The following MDC1 variants were observed in gnomAD, a reference collection of about 807,000 sequenced individuals.
MDC1 encodes the protein mediator of DNA damage checkpoint 1.
In MDC1, 81 loss-of-function variants were observed where a neutral mutation model predicts 142.5. The ratio of observed to expected loss-of-function variants is 0.57; its 90% confidence interval spans 0.47 to 0.68. The LOEUF (loss-of-function observed/expected upper bound fraction) is 0.68. MDC1 is among the 30% of genes least tolerant of loss of function. MDC1 has a pLI of 0.00. For missense variants in MDC1, 2,119 were observed against 2,547.9 expected (o/e 0.83, Z 3.62); for synonymous variants, 797 against 968.4 (o/e 0.82, Z 3.29).
In MDC1 at chr6:30,705,888, C is replaced by G. The variant is rs1288002054; in HGVS notation, c.3295G>C (p.Glu1099Gln). The G allele has an allele frequency of 1.2e-6, 2 of 1,612,178 alleles. No homozygotes were observed. Among genetic ancestry groups the G allele is most frequent in the African/African-American group, 2.7e-5 (2 of 74,736 alleles). ...APEAPLSSEL[E>Q]PFHPKPKIRT... is the part of the protein sequence containing the mutation. ...ATTTTAGGCTTTGGGTGGAAAGGCT[C>G]CAGCTCTGAGGACAAGGGAGCCTCT... is the stretch of plus-strand genomic sequence containing the variant. Residue 1099 changes from glutamate (E) to glutamine (Q), a missense_variant, in exon 10 of 15, where the codon GAG becomes CAG. Glu to Gln is a conservative substitution (Grantham distance 29). Coordinates refer to ENST00000376406, the MANE Select transcript of MDC1 (RefSeq NM_014641.3).
At position 30,713,299 on chromosome 6, in the gene MDC1, T is replaced by C. The variant is rs774373309; in HGVS notation, c.643A>G (p.Asn215Asp). ...TCCACATCTGTGTCACTGTTCAAAT[T>C]GAAGGCAAAAGGCGGCCCAAGGCCG... Reference protein sequence around the residue: ...LGGLGPPFAFNLNSDTDVEEG... With the variant: ...LGGLGPPFAFDLNSDTDVEEG... Residue 215 changes from asparagine to aspartate, a missense_variant, in exon 5 of 15, where the codon AAT (asparagine) becomes GAT (aspartate). Physicochemically the swap from Asn to Asp is conservative, Grantham distance 23. Transcript: ENST00000376406. This position sits in a 1 kb window ranked among gnomAD's most constrained non-coding sequence, Gnocchi z 4.9. 16 of 1,610,932 alleles carry C rather than the reference T, an allele frequency of 9.9e-6. No homozygotes were observed. In the South Asian group the frequency reaches 1.8e-4, roughly 18 times the overall value.
rs763132952 is a variant in MDC1 at position 30,715,222 on chromosome 6, CACAA to C, written c.-3-48_-3-45del. 9 of 1,609,236 alleles carry C rather than the reference CACAA, an allele frequency of 5.6e-6. No homozygotes were observed. In the Admixed American group the frequency reaches 1.0e-4, roughly 18 times the overall value. ...ATCAATTATCCTCATTATTGGTTCA[CACAA>C]ACAGCATCAGAGTTATCAGACTGAA... On this transcript the variant is annotated intron_variant, in intron 1 of 14. Transcript: ENST00000376406. The surrounding 1 kb of genome is among the most constrained non-coding windows in gnomAD (Gnocchi z 4.1).
At position 30,700,634 on chromosome 6, in the gene MDC1, T is replaced by C; in HGVS notation, c.6103-2A>G. 6 of 1,612,746 alleles carry C rather than the reference T, an allele frequency of 3.7e-6. No individual in the cohort carries two copies. Among genetic ancestry groups the C allele is most frequent in the Non-Finnish European group, 5.1e-6 (6 of 1,179,804 alleles). ...GCATGTGATCACAACTCTCTGAGGC[T>C]GGGGAAGACAGAGCAAAGGCAAAAT... is the stretch of plus-strand genomic sequence containing the variant. On this transcript the variant is annotated splice_acceptor_variant, in intron 14 of 14. Transcript: ENST00000376406. LOFTEE classifies it high-confidence loss of function.
At chr6:30,700,707 C>T in intron 14 of MDC1, 75 bp from the exon 15 acceptor site, 1 of 1,446,158 alleles carries the variant, frequency 6.9e-7, no homozygotes, top group Non-Finnish European at 9.6e-7. Context: ...ACTAACCAGT[C>T]TTACCATCAC....
In MDC1 at chr6:30,705,550, A is replaced by G; in HGVS notation, c.3633T>C (p.Pro1211=). 1 of 1,607,020 alleles carries G rather than the reference A, an allele frequency of 6.2e-7. No individual in the cohort carries two copies. Among genetic ancestry groups the G allele is most frequent in the Non-Finnish European group, 8.5e-7 (1 of 1,176,816 alleles). Reference sequence around the variant, plus strand: ...TGACAGGTCGGTCGGTGGAGGTGGAAGGCTGGAGCTCAAGGGCTGTGGGCA... The same window carrying G: ...TGACAGGTCGGTCGGTGGAGGTGGAGGGCTGGAGCTCAAGGGCTGTGGGCA... ...TVVPTALELQ[P]STSTDRPVTS... Residue 1211 remains proline, a synonymous_variant, in exon 10 of 15, where the codon CCT becomes CCC. Transcript: ENST00000376406.
rs536172925 is a variant in MDC1 at position 30,702,350 on chromosome 6, C to G, written c.6102+203G>C. Among the ~76,000 whole-genome samples the G allele has an allele frequency of 2.0e-5, 3 of 150,932 alleles. No homozygotes were observed. The East Asian group carries it at 5.9e-4, about 29-fold the overall frequency. The stretch of plus-strand genomic sequence containing the variant: ...AATCTAAATTAAGCTGCTGCTGAAT[C>G]TCGGTGATTGTTATATGGGGGTATC... On this transcript the variant is annotated intron_variant, in intron 14 of 14. Transcript: ENST00000376406.
In MDC1 at chr6:30,706,621, A is replaced by T. The variant is rs9295906; in HGVS notation, c.3085-523T>A. On this transcript the variant is annotated intron_variant, in intron 9 of 14. Transcript: ENST00000376406. Reference sequence around the variant, plus strand: ...TGGGGGACAGAGCAAGACTCTGTCTAAAAAAAAAAAAAAAAAAAAAAAAAA... The same window carrying T: ...TGGGGGACAGAGCAAGACTCTGTCTTAAAAAAAAAAAAAAAAAAAAAAAAA... Among the ~76,000 whole-genome samples the T allele has an allele frequency of 2.1e-3, 12 of 5,782 alleles. No individual in the cohort carries two copies. The East Asian group carries it at 0.081, about 39-fold the overall frequency. The allele number at this position is 5,782 out of a possible 152,430, so 3.8% of individuals were successfully genotyped here.
chr6:30,706,110 C>G lies in MDC1; in HGVS notation c.3085-12G>C. 6.5e-7 allele frequency: 1 copy of G among 1,546,368 alleles called. No homozygotes were observed. Among genetic ancestry groups the G allele is most frequent in the African/African-American group, 1.4e-5 (1 of 72,634 alleles). ...GATTCCTGATCGCCCTAGGGAGAAA[C>G]AGAAGCAAGTGAGGGGGAGGAGGTG... On this transcript the variant is annotated splice_polypyrimidine_tract_variant and intron_variant, in intron 9 of 14. Coordinates refer to ENST00000376406, the MANE Select transcript of MDC1 (RefSeq NM_014641.3).
intron 5 of MDC1, 69 bp downstream of exon 5, chr6:30,711,805 C>G: frequency 1.3e-6 from 2 of 1,568,110 alleles, no homozygotes; most frequent in Non-Finnish European, 8.7e-7. Context: ...CTCTACCTTT[C>G]TCTCCCCAAC....
In MDC1 at chr6:30,700,377, T is replaced by C; in HGVS notation, c.*88A>G. ...CATGTTCCAGGACAAGTTGTATCAA[T>C]ATACCCCAATCCTTTCTAACGCCCT... On this transcript the variant is annotated 3_prime_UTR_variant, in exon 15 of 15. Transcript: ENST00000376406. 1 of 1,378,648 alleles carries C rather than the reference T, an allele frequency of 7.3e-7. No homozygotes were observed. The highest frequency in any genetic ancestry group is 1.5e-5 in the South Asian group (1 of 66,274). 85.4% of individuals were successfully genotyped at this position (1,378,648 alleles called of 1,614,324 possible).
chr6:30,711,153 T>C (rs991474229), intron 7 of MDC1, among the ~76,000 whole-genome samples: 9 of 152,156 alleles, frequency 5.9e-5, no homozygotes, highest in Non-Finnish European at 1.2e-4. Context: ...GGCAGGCGGA[T>C]CACTTGAGGT....
Position 30,703,329 on chromosome 6 carries a change from A to G in MDC1, c.5683-43T>C, listed in dbSNP as rs757497325. On this transcript the variant is annotated intron_variant, in intron 11 of 14. Coordinates refer to ENST00000376406, the MANE Select transcript of MDC1 (RefSeq NM_014641.3). This position sits in a 1 kb window ranked among gnomAD's most constrained non-coding sequence, Gnocchi z 4.4. ...TGAGGTGGTTACGGCAACCCATGCCATCAGCACCCATCTCTACAATCCTCT... is the reference window on the plus strand; with the variant it reads ...TGAGGTGGTTACGGCAACCCATGCCGTCAGCACCCATCTCTACAATCCTCT... 1.2e-6 allele frequency: 2 copies of G among 1,610,174 alleles called. No homozygotes were observed. Among genetic ancestry groups the G allele is most frequent in the Admixed American group, 3.3e-5 (2 of 59,940 alleles).
Position 30,702,600 on chromosome 6 carries a change from T to C in MDC1, c.6055A>G (p.Ser2019Gly). 1 of 1,611,024 alleles carries C rather than the reference T, an allele frequency of 6.2e-7. No homozygotes were observed. Among genetic ancestry groups the C allele is most frequent in the Non-Finnish European group, 8.5e-7 (1 of 1,179,022 alleles). The change falls in exon 14 of 15, where the codon AGC becomes GGC. Residue 2019 changes from serine to glycine, a missense_variant. Transcript: ENST00000376406. Reference protein sequence around the residue: ...PPPPQMGEIISCCGGTYLPSM... With the variant: ...PPPPQMGEIIGCCGGTYLPSM... Reference sequence around the variant, plus strand: ...GGTAGGTATGTGCCTCCACAGCAGCTAATAATCTCTCCCATCTGAGGTGGT... The same window carrying C: ...GGTAGGTATGTGCCTCCACAGCAGCCAATAATCTCTCCCATCTGAGGTGGT...
In MDC1 at chr6:30,704,898, T is replaced by G. The variant is rs1305548546; in HGVS notation, c.4285A>C (p.Thr1429Pro). 3.1e-6 allele frequency: 5 copies of G among 1,604,182 alleles called. No individual in the cohort carries two copies. Among genetic ancestry groups the G allele is most frequent in the Non-Finnish European group, 4.3e-6 (5 of 1,175,600 alleles). The stretch of plus-strand genomic sequence containing the variant: ...GTCCTGCCCCTGGTGGCCTGAGATG[T>G]GGGCTCAGGAGTGACAGGTTGGTCT... ...STDQPVTPEP[T>P]SQATRGRTNR... The change falls in exon 10 of 15, where the codon ACA becomes CCA. Residue 1429 changes from threonine (T) to proline (P), a missense_variant. Thr to Pro is a conservative substitution (Grantham distance 38). Transcript: ENST00000376406.
chr6:30,713,896 G>A lies in MDC1; in HGVS notation c.424C>T (p.Arg142Trp), dbSNP rs1379883443. The change falls in exon 3 of 15, where the codon CGG (arginine) becomes TGG (tryptophan). Residue 142 changes from arginine (R) to tryptophan (W), a missense_variant. Coordinates refer to ENST00000376406, the MANE Select transcript of MDC1 (RefSeq NM_014641.3). The surrounding 1 kb of genome is among the most constrained non-coding windows in gnomAD (Gnocchi z 4.9). ...RLDVSLPFVS[R>W]GPLTVEETPR... ...GTCTCTTCTACTGTCAGAGGGCCCCGGGAGACAAAGGGCAGAGAGACATCC... is the reference window on the plus strand; with the variant it reads ...GTCTCTTCTACTGTCAGAGGGCCCCAGGAGACAAAGGGCAGAGAGACATCC... 10 of 1,613,626 alleles carry A rather than the reference G, an allele frequency of 6.2e-6. No individual in the cohort carries two copies. Among genetic ancestry groups the A allele is most frequent in the Admixed American group, 3.3e-5 (2 of 59,986 alleles).
chr6:30,712,430 G>A lies in MDC1; in HGVS notation c.1512C>T (p.Ser504=), dbSNP rs1210856744. The part of the protein sequence containing the change: ...DSDDSVEADK[S]SPGIHLERSQ... ...TTCTCTCCAGGTGGATCCCAGGTGAGCTCTTATCTGCTTCCACACTGTCAT... is the reference window on the plus strand; with the variant it reads ...TTCTCTCCAGGTGGATCCCAGGTGAACTCTTATCTGCTTCCACACTGTCAT... The change falls in exon 5 of 15, where the codon AGC becomes AGT. Residue 504 remains serine (S), a synonymous_variant. Transcript: ENST00000376406. The surrounding 1 kb of genome is among the most constrained non-coding windows in gnomAD (Gnocchi z 4.7). 3 of 1,612,912 alleles carry A rather than the reference G, an allele frequency of 1.9e-6. No individual in the cohort carries two copies. The African/African-American group carries it at 4.0e-5, about 22-fold the overall frequency.
In MDC1 at chr6:30,708,168, C is replaced by T. The variant is rs905037206; in HGVS notation, c.2411G>A (p.Gly804Asp). 3.1e-6 allele frequency: 5 copies of T among 1,613,050 alleles called. No individual in the cohort carries two copies. The highest frequency in any genetic ancestry group is 2.7e-5 in the African/African-American group (2 of 74,920). ...TTTATCCACAGTCTGCCTCCCTCTG[C>T]CTTGAATCCCCATTGGCTCTGTGTG... ...PVHTEPMGIQ[G>D]RGRQTVDKVM... The change falls in exon 8 of 15, where the codon GGC (glycine) becomes GAC (aspartate). Residue 804 changes from glycine (G) to aspartate (D), a missense_variant. Coordinates refer to ENST00000376406, the MANE Select transcript of MDC1 (RefSeq NM_014641.3).
chr6:30,706,208 C>T (rs1387853247), intron 9 of MDC1, 110 bp from the exon 10 acceptor site: 5 of 988,398 alleles, frequency 5.1e-6, no homozygotes, highest in African/African-American at 3.3e-5. Flanking sequence ...AGATTTCCAC[C>T]GGGCGTGGTG....
Position 30,703,790 on chromosome 6 carries a change from C to G in MDC1, c.5393G>C (p.Arg1798Thr), listed in dbSNP as rs538960601. ...CTTAGGCTGGAGCTCCGGGGTGAAC[C>G]TAGATCTACCTGCTGGTTCCACCTT... Reference protein sequence around the residue: ...IQKVEPAGRSRFTPELQPKAS... With the variant: ...IQKVEPAGRSTFTPELQPKAS... Residue 1798 changes from arginine to threonine, a missense_variant, in exon 10 of 15, where the codon AGG (arginine) becomes ACG (threonine). Arg to Thr is a moderately conservative substitution (Grantham distance 71). Coordinates refer to ENST00000376406, the MANE Select transcript of MDC1 (RefSeq NM_014641.3). This position sits in a 1 kb window ranked among gnomAD's most constrained non-coding sequence, Gnocchi z 4.4. 1.3e-6 allele frequency: 2 copies of G among 1,592,452 alleles called. No homozygotes were observed. Among genetic ancestry groups the G allele is most frequent in the African/African-American group, 2.7e-5 (2 of 74,448 alleles).
Sources: allele counts gnomAD v4.1 joint callset (sites outside exome capture counted in the v4.1 genomes callset), GRCh38; gene constraint gnomAD v4.1.1; non-coding constraint Gnocchi (gnomAD v3.1); transcripts MANE v1.5; gene names NCBI Gene and HGNC (gene_info 2026-07-23, HGNC 2026-07-21).